NNT: variants seen among roughly 807,000 people sequenced by gnomAD.
The protein encoded by NNT is NAD(P) transhydrogenase, mitochondrial.
In NNT, 50 loss-of-function variants were observed where a neutral mutation model predicts 104.8. The ratio of observed to expected loss-of-function variants is 0.48; its 90% CI spans 0.38 to 0.60. NNT has a LOEUF of 0.60. Ranked by LOEUF, NNT falls within the 20% of genes least tolerant of loss-of-function variation. The pLI is 0.00. For missense variants in NNT, 1,131 were observed against 1,330.7 expected (o/e 0.85, Z 2.33); for synonymous variants, 461 against 490.4 (o/e 0.94, Z 0.79).
At chr5:43,644,160 A>G in intron 7 of NNT, 32 bp from the exon 8 acceptor site, 1 of 1,570,264 alleles carries the variant, frequency 6.4e-7, no homozygotes, top group East Asian at 2.2e-5. Flanking sequence ...AAATGATAAT[A>G]CAAATTGTGC....
intron 17 of NNT, among the ~76,000 whole-genome samples, chr5:43,673,370 G>A (rs140346988): frequency 9.9e-5 from 15 of 152,270 alleles, no homozygotes; most frequent in South Asian, 2.1e-4. Context: ...CGTCTTCTGC[G>A]TCTCTCATGC....
At chr5:43,641,551 A>G (rs1018116847) in intron 7 of NNT, among the ~76,000 whole-genome samples, 1 of 152,128 alleles carries the variant, frequency 6.6e-6, no homozygotes, top group African/African-American at 2.4e-5. Flanking sequence ...AAACTGTATC[A>G]TATATGTATT....
chr5:43,656,160 G>A lies in NNT; in HGVS notation c.2293+87G>A. 6 of 1,170,722 alleles carry A rather than the reference G, an allele frequency of 5.1e-6. No homozygotes were observed. The Admixed American group carries it at 6.0e-5, about 12-fold the overall frequency. 72.5% of individuals were successfully genotyped at this position (1,170,722 alleles called of 1,614,324 possible). The stretch of plus-strand genomic sequence containing the variant: ...TTTAATTTCAGAAAATACATTAACA[G>A]GGCTGGGCGCAATGGCTCATGCCTG... On this transcript the variant is annotated intron_variant, in intron 15 of 21. Coordinates refer to ENST00000344920, the MANE Select transcript of NNT (RefSeq NM_182977.3).
At position 43,675,640 on chromosome 5, in the gene NNT, C is replaced by A; in HGVS notation, c.2764C>A (p.Arg922=). ...CCTTGACAATGCAATTGACATGATTCGAGAAGCTAATAGCATTATTATTAC... is the reference window on the plus strand; with the variant it reads ...CCTTGACAATGCAATTGACATGATTAGAGAAGCTAATAGCATTATTATTAC... ...INLDNAIDMI[R]EANSIIITPG... Residue 922 remains arginine (R), a synonymous_variant, in exon 18 of 22, where the codon CGA becomes AGA. Transcript: ENST00000344920. 6.2e-7 allele frequency: 1 copy of A among 1,605,816 alleles called. No individual in the cohort carries two copies. Among genetic ancestry groups the A allele is most frequent in the South Asian group, 1.1e-5 (1 of 89,656 alleles).
At chr5:43,701,143 G>A (rs1742829538) in intron 20 of NNT, among the ~76,000 whole-genome samples, 1 of 151,948 alleles carries the variant, frequency 6.6e-6, no homozygotes, top group Non-Finnish European at 1.5e-5. Flanking sequence ...GGGTACATGT[G>A]CGGTTTGTTA....
chr5:43,694,710 A>G lies in NNT; in HGVS notation c.2877-5409A>G, dbSNP rs1480320211. 1.3e-5 allele frequency among the ~76,000 whole-genome samples: 2 copies of G among 150,536 alleles called. 1 individual carries two copies. Among genetic ancestry groups the G allele is most frequent in the South Asian group, 4.2e-4 (2 of 4,764 alleles). On this transcript the variant is annotated intron_variant, in intron 19 of 21. Transcript: ENST00000344920. The stretch of plus-strand genomic sequence containing the variant: ...TATTTTGTTGAGGATTTTTGCATCA[A>G]TGTTCATCAAGGATATTGGCCTAAA...
intron 17 of NNT, 111 bp from the exon 18 acceptor site, chr5:43,675,400 T>G: frequency 1.0e-6 from 1 of 957,566 alleles, no homozygotes; most frequent in Non-Finnish European, 1.5e-6. Context: ...GTGTTTTAAA[T>G]GATCAAATAA....
At chr5:43,625,276 A>C (rs1469815803) in intron 6 of NNT, among the ~76,000 whole-genome samples, 3 of 152,138 alleles carry the variant, frequency 2.0e-5, no homozygotes, top group Non-Finnish European at 4.4e-5. Context: ...ACTACTGAGA[A>C]TTTAGTATAT....
intron 10 of NNT, among the ~76,000 whole-genome samples, chr5:43,647,130 G>A (rs1261107520): frequency 6.6e-6 from 1 of 152,176 alleles, no homozygotes. Flanking sequence ...AAATTCCCAT[G>A]TGAGTCCAGA....
At chr5:43,653,236 C>T in intron 14 of NNT, 23 bp downstream of exon 14, 2 of 1,583,582 alleles carry the variant, frequency 1.3e-6, no homozygotes. Context: ...GGGCTTCTGC[C>T]TTCATGTGAA....
In NNT at chr5:43,677,812, C is replaced by T. The variant is rs144007922; in HGVS notation, c.2876+6C>T. Reference sequence around the variant, plus strand: ...GAGCAAGGCAAAAAAGTCAGGTAAGCGTTTGCAGTGGAGAGGCTTGCACTA... The same window carrying T: ...GAGCAAGGCAAAAAAGTCAGGTAAGTGTTTGCAGTGGAGAGGCTTGCACTA... On this transcript the variant is annotated splice_donor_region_variant and intron_variant, in intron 19 of 21. Coordinates refer to ENST00000344920, the MANE Select transcript of NNT (RefSeq NM_182977.3). The T allele has an allele frequency of 1.8e-4, 295 of 1,608,688 alleles. 1 individual carries two copies. In the East Asian group the frequency reaches 3.5e-3, roughly 19 times the overall value.
chr5:43,667,160 G>A (rs1002601151), intron 17 of NNT: 10 of 1,484,586 alleles, frequency 6.7e-6, no homozygotes, highest in Admixed American at 1.7e-5. Context: ...CTTTGTGATC[G>A]GGGTTTCTTG....
chr5:43,607,857 A>G (rs2111763008), intron 1 of NNT, among the ~76,000 whole-genome samples: 1 of 152,338 alleles, frequency 6.6e-6, no homozygotes, highest in East Asian at 1.9e-4. Flanking sequence ...TCCACATGAT[A>G]CAGCAGAACT....
At chr5:43,655,780 G>A (rs2111932370) in intron 14 of NNT, 60 bp from the exon 15 acceptor site, 1 of 1,174,154 alleles carries the variant, frequency 8.5e-7, no homozygotes. Flanking sequence ...GGTGATCTTT[G>A]TTGTGGTTAC....
intron 19 of NNT, among the ~76,000 whole-genome samples, chr5:43,689,628 G>C (rs1742161626): frequency 6.6e-6 from 1 of 152,132 alleles, no homozygotes; most frequent in Non-Finnish European, 1.5e-5. Flanking sequence ...AATTATCCCA[G>C]CACCATTTGT....
rs1740071224 is a variant in NNT at position 43,656,742 on chromosome 5, T to G, written c.2383T>G (p.Phe795Val). The change falls in exon 16 of 22, where the codon TTC (phenylalanine) becomes GTC (valine). Residue 795 changes from phenylalanine to valine, a missense_variant. By Grantham distance (50) the Phe-to-Val change is conservative. Coordinates refer to ENST00000344920, the MANE Select transcript of NNT (RefSeq NM_182977.3). Reference sequence around the variant, plus strand: ...TGCTAGTGTGGGCGGGATAATCCCATTCATGGTGGACCCAAGCTTTACTAC... The same window carrying G: ...TGCTAGTGTGGGCGGGATAATCCCAGTCATGGTGGACCCAAGCTTTACTAC... ...LAASVGGIIP[F>V]MVDPSFTTGI... is the part of the protein sequence containing the mutation. 2 of 1,614,048 alleles carry G rather than the reference T, an allele frequency of 1.2e-6. No homozygotes were observed. Among genetic ancestry groups the G allele is most frequent in the African/African-American group, 2.7e-5 (2 of 74,940 alleles).
chr5:43,669,318 T>A (rs1448127737), intron 17 of NNT, among the ~76,000 whole-genome samples: 5 of 152,160 alleles, frequency 3.3e-5, no homozygotes, highest in Non-Finnish European at 5.9e-5. Context: ...CAACACTATG[T>A]TGAATAGGAG....
In NNT at chr5:43,609,365, G is replaced by C. The variant is rs1195927077; in HGVS notation, c.151+19G>C. ...AAACCAGGTAAAGTCTCACTTCAGT[G>C]ATTGTAAATGAAACCTTCAAGTCAT... On this transcript the variant is annotated intron_variant, in intron 2 of 21. Coordinates refer to ENST00000344920, the MANE Select transcript of NNT (RefSeq NM_182977.3). 2.5e-6 allele frequency: 4 copies of C among 1,611,090 alleles called. No homozygotes were observed. The highest frequency in any genetic ancestry group is 3.4e-6 in the Non-Finnish European group (4 of 1,178,310).
intron 7 of NNT, among the ~76,000 whole-genome samples, chr5:43,631,480 G>A (rs1009088549): frequency 5.9e-5 from 9 of 152,244 alleles, no homozygotes; most frequent in South Asian, 4.2e-4. Context: ...GCATTAGCGG[G>A]GAAGTTATGA....
Sources: gnomAD v4.1 joint callset for allele counts (sites outside exome capture counted in the v4.1 genomes callset) on GRCh38, gnomAD v4.1.1 for gene constraint, MANE v1.5 for transcripts, NCBI Gene and HGNC (gene_info 2026-07-23, HGNC 2026-07-21) for gene names.